The following CACNA1E variants were observed in gnomAD, a reference collection of about 807,000 sequenced individuals.
CACNA1E encodes the protein calcium voltage-gated channel subunit alpha1 E.
Under a neutral mutation model 259.2 loss-of-function variants are expected in CACNA1E, and 40 were observed. That is an observed-to-expected ratio of 0.15 (90% CI 0.12 to 0.20). CACNA1E has a LOEUF of 0.20. Ranked by LOEUF, CACNA1E falls within the 10% of genes least tolerant of loss-of-function variation. CACNA1E has a pLI of 1.00. For synonymous variants in CACNA1E, 1,104 were observed against 1,138.5 expected (o/e 0.97, Z 0.61); for missense variants, 1,874 against 3,040.1 (o/e 0.62, Z 9.02).
intron 6 of CACNA1E, among the ~76,000 whole-genome samples, chr1:181,600,266 C>T (rs1368030555): frequency 6.6e-6 from 1 of 152,140 alleles, no homozygotes; most frequent in African/African-American, 2.4e-5. Context: ...GGCAAGAGGT[C>T]AGAGAGAGGG....
chr1:181,748,031 A>G (rs1314721576), intron 25 of CACNA1E, among the ~76,000 whole-genome samples: 2 of 152,254 alleles, frequency 1.3e-5, no homozygotes, highest in African/African-American at 4.8e-5. Context: ...CTGAGGATGA[A>G]AGCATATTTT....
At chr1:181,601,161 C>G (rs929597822) in intron 6 of CACNA1E, among the ~76,000 whole-genome samples, 1 of 152,118 alleles carries the variant, frequency 6.6e-6, no homozygotes, top group African/African-American at 2.4e-5. Context: ...GGTAGAGATT[C>G]GGGTGTGGAG....
chr1:181,795,024 A>C lies in CACNA1E; in HGVS notation c.6188A>C (p.His2063Pro), dbSNP rs1331399917. 6.2e-7 allele frequency: 1 copy of C among 1,613,884 alleles called. No homozygotes were observed. Among genetic ancestry groups the C allele is most frequent in the Non-Finnish European group, 8.5e-7 (1 of 1,179,838 alleles). Residue 2063 changes from histidine to proline, a missense_variant, in exon 46 of 48, where the codon CAC becomes CCC. This residue lies in a region of CACNA1E where 542 missense variants were observed against 587.2 expected (regional missense o/e 0.92). Coordinates refer to ENST00000367573, the MANE Select transcript of CACNA1E (RefSeq NM_001205293.3). ...SYHSSLRLSA[H>P]RLNSDSGHKS... Reference sequence around the variant, plus strand: ...CACTCCTCCTTGCGGCTGTCAGCCCACCGCCTGAACTCTGATTCAGGTGAG... The same window carrying C: ...CACTCCTCCTTGCGGCTGTCAGCCCCCCGCCTGAACTCTGATTCAGGTGAG...
intron 26 of CACNA1E, 57 bp downstream of exon 26, chr1:181,750,544 G>C: frequency 2.0e-6 from 3 of 1,529,636 alleles, no homozygotes; most frequent in Non-Finnish European, 2.7e-6. Flanking sequence ...TTGGAGGAGC[G>C]AGAAAGTATG....
chr1:181,348,880 C>A (rs1652817002), intron 1 of CACNA1E, among the ~76,000 whole-genome samples: 1 of 152,152 alleles, frequency 6.6e-6, no homozygotes. Flanking sequence ...AGAGGAAGAG[C>A]CTTCAGTGAA....
At chr1:181,680,815 T>A (rs893369459) in intron 7 of CACNA1E, among the ~76,000 whole-genome samples, 3 of 152,164 alleles carry the variant, frequency 2.0e-5, no homozygotes, top group African/African-American at 7.2e-5. Context: ...TTCTCATTTC[T>A]CACTTCCTAT....
intron 46 of CACNA1E, among the ~76,000 whole-genome samples, chr1:181,796,283 CCA>C (rs1661798459): frequency 6.6e-6 from 1 of 152,148 alleles, no homozygotes; most frequent in South Asian, 2.1e-4. Context: ...CAACAAATTA[CCA>C]CAGACTGGGT....
intron 8 of CACNA1E, among the ~76,000 whole-genome samples, chr1:181,712,197 A>G (rs1314075530): frequency 6.6e-6 from 1 of 152,216 alleles, no homozygotes. Context: ...TATGAAGGGC[A>G]TCAATCACCC....
intron 1 of CACNA1E, among the ~76,000 whole-genome samples, chr1:181,384,232 C>A (rs1050631589): frequency 1.3e-5 from 2 of 152,034 alleles, no homozygotes; most frequent in African/African-American, 4.8e-5. Context: ...CACGGAGATG[C>A]GATATCTATG....
chr1:181,528,746 A>G (rs1295823248), intron 3 of CACNA1E, among the ~76,000 whole-genome samples: 1 of 152,160 alleles, frequency 6.6e-6, no homozygotes, highest in Non-Finnish European at 1.5e-5. Context: ...GATTTGTGGA[A>G]CTTTGAACTT....
chr1:181,659,337 G>A (rs559215759), intron 7 of CACNA1E, among the ~76,000 whole-genome samples: 1 of 152,324 alleles, frequency 6.6e-6, no homozygotes, highest in African/African-American at 2.4e-5. Flanking sequence ...CAGATTTAAA[G>A]AGGAAGTATG....
chr1:181,423,971 A>G (rs1344340613), intron 2 of CACNA1E, among the ~76,000 whole-genome samples: 3 of 152,196 alleles, frequency 2.0e-5, no homozygotes, highest in African/African-American at 7.2e-5. Context: ...CCTTAGGGCT[A>G]TTAGAGGACT....
At chr1:181,585,999 A>T (rs1225180886) in intron 6 of CACNA1E, among the ~76,000 whole-genome samples, 1 of 152,230 alleles carries the variant, frequency 6.6e-6, no homozygotes, top group East Asian at 1.9e-4. Context: ...CCTTTGGTAG[A>T]GCAAAAGTAG....
chr1:181,800,205 C>T lies in CACNA1E; in HGVS notation c.*1371C>T, dbSNP rs1662171890. 6.6e-6 allele frequency: 1 copy of T among 152,660 alleles called. No individual in the cohort carries two copies. Among genetic ancestry groups the T allele is most frequent in the Non-Finnish European group, 1.5e-5 (1 of 68,078 alleles). The allele number at this position is 152,660 out of a possible 1,614,324, so 9.5% of individuals were successfully genotyped here. On this transcript the variant is annotated 3_prime_UTR_variant, in exon 48 of 48. Coordinates refer to ENST00000367573, the MANE Select transcript of CACNA1E (RefSeq NM_001205293.3). ...GCTTTAAGGTGATTAGTAAATATAC[C>T]TCAGCTTAGACTTGGGCTGCTCCTT...
At chr1:181,795,103 A>C in intron 46 of CACNA1E, 59 bp downstream of exon 46, 2 of 1,405,412 alleles carry the variant, frequency 1.4e-6, no homozygotes, top group Non-Finnish European at 2.0e-6. Flanking sequence ...GCCCTGATGC[A>C]CTTACTCTCC....
intron 2 of CACNA1E, 138 bp from the exon 3 acceptor site, chr1:181,511,233 C>A (rs906485894): frequency 1.2e-5 from 11 of 936,158 alleles, no homozygotes; most frequent in Non-Finnish European, 1.8e-5. Context: ...CTGCAAGGGT[C>A]CCTTAGCACC....
chr1:181,372,535 G>A (rs889933351), intron 1 of CACNA1E, among the ~76,000 whole-genome samples: 8 of 152,180 alleles, frequency 5.3e-5, no homozygotes, highest in Middle Eastern at 3.4e-3. Context: ...GAATCATATC[G>A]TCTGCAAAGA....
chr1:181,738,496 G>A, intron 24 of CACNA1E, 70 bp downstream of exon 24: 1 of 1,269,798 alleles, frequency 7.9e-7, no homozygotes, highest in Non-Finnish European at 1.2e-6. Context: ...TTAGGCTAGA[G>A]CCCTTCCTCA....
chr1:181,607,967 A>T (rs529412682), intron 6 of CACNA1E, among the ~76,000 whole-genome samples: 2 of 152,252 alleles, frequency 1.3e-5, no homozygotes, highest in South Asian at 4.1e-4. Flanking sequence ...GGGATTAGCT[A>T]TTGTGGGATG....
Sources: allele counts gnomAD v4.1 joint callset (sites outside exome capture counted in the v4.1 genomes callset), GRCh38; gene constraint gnomAD v4.1.1; regional missense constraint gnomAD v4.1.1; transcripts MANE v1.5; gene names NCBI Gene and HGNC (gene_info 2026-07-23, HGNC 2026-07-21).